The following NRXN1 variants were observed in gnomAD, a reference collection of about 807,000 sequenced individuals.
NRXN1 encodes the protein neurexin 1.
Under a neutral mutation model 150.9 loss-of-function variants are expected in NRXN1, and 39 were observed. That is an observed-to-expected ratio of 0.26 (90% confidence interval 0.20 to 0.34). NRXN1 has a LOEUF of 0.34. NRXN1 is among the 10% of genes least tolerant of loss of function. The pLI is 1.00. For missense variants in NRXN1, 1,815 were observed against 1,949.9 expected (o/e 0.93, Z 1.30); for synonymous variants, 924 against 757.0 (o/e 1.22, Z -3.62).
chr2:50,685,889 C>T (rs1031243567), intron 5 of NRXN1, among the ~76,000 whole-genome samples: 1 of 152,068 alleles, frequency 6.6e-6, no homozygotes, highest in African/African-American at 2.4e-5. Context: ...AGCCTGCATA[C>T]TTGTTGTAGT....
At chr2:51,027,145 G>T (rs979084331) in intron 2 of NRXN1, among the ~76,000 whole-genome samples, 1 of 152,188 alleles carries the variant, frequency 6.6e-6, no homozygotes, top group Non-Finnish European at 1.5e-5. Flanking sequence ...AAGTGGTAGA[G>T]ACAAGTACAG....
At chr2:50,213,591 C>A (rs2063183729) in intron 18 of NRXN1, among the ~76,000 whole-genome samples, 1 of 151,886 alleles carries the variant, frequency 6.6e-6, no homozygotes, top group Non-Finnish European at 1.5e-5. Context: ...CACAAAGGAA[C>A]TTGTAATACT....
intron 5 of NRXN1, among the ~76,000 whole-genome samples, chr2:50,646,297 A>C (rs1027769313): frequency 2.0e-5 from 3 of 151,856 alleles, no homozygotes; most frequent in African/African-American, 7.2e-5. Context: ...TGGAGTCCTT[A>C]GAACTTTCCT....
chr2:50,511,576 A>T (rs1234813585), intron 12 of NRXN1, among the ~76,000 whole-genome samples: 2 of 152,158 alleles, frequency 1.3e-5, no homozygotes, highest in African/African-American at 2.4e-5. Context: ...TAACAGATGG[A>T]AGTAGAAGCA....
chr2:50,438,803 T>C (rs995247723), intron 17 of NRXN1, among the ~76,000 whole-genome samples: 1 of 152,210 alleles, frequency 6.6e-6, no homozygotes, highest in African/African-American at 2.4e-5. Flanking sequence ...AAACTTCTAC[T>C]AAATGTTGAA....
At chr2:50,785,740 G>A (rs1459958773) in intron 5 of NRXN1, among the ~76,000 whole-genome samples, 1 of 152,070 alleles carries the variant, frequency 6.6e-6, no homozygotes, top group Non-Finnish European at 1.5e-5. Flanking sequence ...GCTTCTGCTT[G>A]GTAGTTTTGC....
chr2:50,410,081 C>A (rs973085161), intron 17 of NRXN1, among the ~76,000 whole-genome samples: 1 of 152,194 alleles, frequency 6.6e-6, no homozygotes, highest in South Asian at 2.1e-4. Flanking sequence ...ATCTGACATG[C>A]CCCTTCTTTC....
intron 2 of NRXN1, among the ~76,000 whole-genome samples, chr2:50,983,519 T>G (rs1460497717): frequency 6.6e-6 from 1 of 152,136 alleles, no homozygotes; most frequent in Admixed American, 6.6e-5. Context: ...TATTCCTGTT[T>G]CTTCCTATAC....
At chr2:50,764,352 C>T (rs1338997387) in intron 5 of NRXN1, among the ~76,000 whole-genome samples, 2 of 151,860 alleles carry the variant, frequency 1.3e-5, no homozygotes, top group South Asian at 2.1e-4. Flanking sequence ...ATGGTGCAAA[C>T]CATATGTACC....
chr2:50,527,465 CTGGGATAT>C lies in NRXN1; in HGVS notation c.2374+1152_2374+1159del, dbSNP rs567966891. 1.6e-3 allele frequency among the ~76,000 whole-genome samples: 236 copies of C among 152,148 alleles called. 1 individual carries two copies. Among genetic ancestry groups the C allele is most frequent in the African/African-American group, 5.4e-3 (224 of 41,522 alleles). ...TTTTGTTCGAGATCTTTTTAAATGC[CTGGGATAT>C]TGGTTATAATTTATTAACTTAATTT... On this transcript the variant is annotated intron_variant, in intron 12 of 22. Transcript: ENST00000401669.
chr2:50,856,992 C>T (rs1315335940), intron 5 of NRXN1, among the ~76,000 whole-genome samples: 1 of 152,038 alleles, frequency 6.6e-6, no homozygotes, highest in South Asian at 2.1e-4. Context: ...TTTTACATTG[C>T]TATCAAGGGC....
At chr2:50,399,139 A>G (rs2082234596) in intron 17 of NRXN1, among the ~76,000 whole-genome samples, 1 of 152,132 alleles carries the variant, frequency 6.6e-6, no homozygotes, top group African/African-American at 2.4e-5. Flanking sequence ...TAAAGGGTTG[A>G]GTTTTTAAAG....
chr2:50,803,557 T>G (rs992287567), intron 5 of NRXN1, among the ~76,000 whole-genome samples: 28 of 152,238 alleles, frequency 1.8e-4, no homozygotes, highest in Admixed American at 1.2e-3. Context: ...CAATTTTTTC[T>G]AAGTTGGTTT....
intron 18 of NRXN1, among the ~76,000 whole-genome samples, chr2:50,183,670 T>A (rs2060883491): frequency 6.6e-6 from 1 of 150,436 alleles, no homozygotes; most frequent in Admixed American, 6.7e-5. Context: ...CACAACTAGA[T>A]ACTATTGGCA....
intron 5 of NRXN1, among the ~76,000 whole-genome samples, chr2:50,814,373 C>T (rs965646726): frequency 6.6e-6 from 1 of 152,124 alleles, no homozygotes; most frequent in African/African-American, 2.4e-5. Flanking sequence ...TAGTCCTTCA[C>T]CCCTTACCCC....
At chr2:50,168,663 C>T (rs1022378364) in intron 18 of NRXN1, among the ~76,000 whole-genome samples, 4 of 151,936 alleles carry the variant, frequency 2.6e-5, no homozygotes, top group African/African-American at 9.7e-5. Flanking sequence ...GCAGGTTGAC[C>T]GAATAATAGA....
chr2:50,699,172 G>C (rs1693378205), intron 5 of NRXN1, among the ~76,000 whole-genome samples: 1 of 151,980 alleles, frequency 6.6e-6, no homozygotes, highest in African/African-American at 2.4e-5. Context: ...ACCTAGTATG[G>C]GATGATAAAG....
chr2:50,950,545 T>A (rs1463992574), intron 2 of NRXN1, among the ~76,000 whole-genome samples: 1 of 152,194 alleles, frequency 6.6e-6, no homozygotes, highest in Non-Finnish European at 1.5e-5. Flanking sequence ...TTTGTTGCTA[T>A]TAACATTTTG....
chr2:50,207,393 GA>G (rs906204317), intron 18 of NRXN1: 66 of 151,944 alleles, frequency 4.3e-4, no homozygotes, highest in African/African-American at 1.6e-3. Context: ...GGTCACAATG[GA>G]AAAAATATTT....
Sources: gnomAD v4.1 joint callset for allele counts (sites outside exome capture counted in the v4.1 genomes callset) on GRCh38, gnomAD v4.1.1 for gene constraint, MANE v1.5 for transcripts, NCBI Gene and HGNC (gene_info 2026-07-23, HGNC 2026-07-21) for gene names.